DNAJC5: variants seen among roughly 807,000 people sequenced by gnomAD.
DNAJC5 encodes the protein DnaJ heat shock protein family (Hsp40) member C5, also known as dnaJ homolog subfamily C member 5.
A neutral mutation model predicts 23.2 loss-of-function variants in DNAJC5; 1 was observed. That is an observed-to-expected ratio of 0.04 (90% CI 0.02 to 0.20). DNAJC5 has a LOEUF of 0.20. Ranked by LOEUF, DNAJC5 falls within the 10% of genes least tolerant of loss-of-function variation. DNAJC5 has a pLI of 1.00. For missense variants in DNAJC5, 180 were observed against 267.0 expected (o/e 0.67, Z 2.27); for synonymous variants, 136 against 120.0 (o/e 1.13, Z -0.87).
chr20:63,922,498 G>T (rs1282808281), intron 1 of DNAJC5, among the ~76,000 whole-genome samples: 1 of 151,850 alleles, frequency 6.6e-6, no homozygotes, highest in Admixed American at 6.6e-5. Context: ...ATCAGAAAGG[G>T]TTGGCTCCTG....
At chr20:63,906,661 A>G (rs75938531) in intron 1 of DNAJC5, among the ~76,000 whole-genome samples, 1,569 of 151,182 alleles carry the variant, frequency 0.01, 18 homozygotes, top group African/African-American at 0.037. Context: ...GGGCGCCTGT[A>G]TATAGTCCCA....
chr20:63,920,009 C>T lies in DNAJC5; in HGVS notation c.-11-8326C>T, dbSNP rs2053554114. ...GACATGTGCCCAGGGCCCGGGACAGCGCCACGGAAGAGGACGCACCCGGCT... is the reference window on the plus strand; with the variant it reads ...GACATGTGCCCAGGGCCCGGGACAGTGCCACGGAAGAGGACGCACCCGGCT... On this transcript the variant is annotated intron_variant, in intron 1 of 4. Transcript: ENST00000360864. The surrounding 1 kb of genome is among the most constrained non-coding windows in gnomAD (Gnocchi z 4.6). The T allele has an allele frequency of 1.0e-5, 4 of 384,952 alleles. No homozygotes were observed. The highest frequency in any genetic ancestry group is 3.6e-5 in the Admixed American group (1 of 27,704). 23.8% of individuals were successfully genotyped at this position (384,952 alleles called of 1,614,324 possible).
At chr20:63,908,329 G>A (rs897579979) in intron 1 of DNAJC5, among the ~76,000 whole-genome samples, 24 of 152,178 alleles carry the variant, frequency 1.6e-4, no homozygotes, top group African/African-American at 5.1e-4. Context: ...ATCAGTTAAC[G>A]TTTCAGAGCG....
chr20:63,908,012 C>A (rs539250363), intron 1 of DNAJC5, among the ~76,000 whole-genome samples: 177 of 152,330 alleles, frequency 1.2e-3, no homozygotes, highest in African/African-American at 4.1e-3. Context: ...GTGATCCCCC[C>A]ACCTTGGCCT....
At chr20:63,926,808 C>T (rs143121351) in intron 1 of DNAJC5, among the ~76,000 whole-genome samples, 109 of 152,354 alleles carry the variant, frequency 7.2e-4, no homozygotes, top group African/African-American at 1.9e-3. Context: ...AGCTCAGGTG[C>T]TGCTCTTACC....
In DNAJC5 at chr20:63,934,312, C is replaced by T. The variant is rs2053699311; in HGVS notation, c.*2744C>T. The T allele has an allele frequency of 6.6e-6, 1 of 151,874 alleles. No homozygotes were observed. The highest frequency in any genetic ancestry group is 2.1e-4 in the South Asian group (1 of 4,830). 9.4% of individuals were successfully genotyped at this position (151,874 alleles called of 1,614,324 possible). On this transcript the variant is annotated 3_prime_UTR_variant, in exon 5 of 5. Transcript: ENST00000360864. ...GTCCACGTGCTAACAGATCAGGACGCCCCCAGCACCCCTGCCTGCTTTTGC... is the reference window on the plus strand; with the variant it reads ...GTCCACGTGCTAACAGATCAGGACGTCCCCAGCACCCCTGCCTGCTTTTGC...
chr20:63,901,114 G>GCA, intron 1 of DNAJC5, among the ~76,000 whole-genome samples: 1 of 152,206 alleles, frequency 6.6e-6, no homozygotes, highest in Non-Finnish European at 1.5e-5. Flanking sequence ...ACAGGCGTGT[G>GCA]CCACCACGCC....
At position 63,929,766 on chromosome 20, in the gene DNAJC5, G is replaced by A. The variant is rs563480286; in HGVS notation, c.321+241G>A. On this transcript the variant is annotated intron_variant, in intron 3 of 4. Transcript: ENST00000360864. This position sits in a 1 kb window ranked among gnomAD's most constrained non-coding sequence, Gnocchi z 8.6. ...AGTCTCTCCTGCCATGTGGGCACCC[G>A]GGTCACTCCACGCCTGCAGGGTTCC... 5.9e-5 allele frequency among the ~76,000 whole-genome samples: 9 copies of A among 152,250 alleles called. 1 individual carries two copies. The South Asian group carries it at 1.9e-3, about 32-fold the overall frequency.
intron 1 of DNAJC5, among the ~76,000 whole-genome samples, chr20:63,924,090 G>A (rs1203435899): frequency 1.3e-5 from 2 of 152,132 alleles, no homozygotes; most frequent in Non-Finnish European, 2.9e-5. Flanking sequence ...TAGATATATA[G>A]TATATGTCTT....
chr20:63,917,479 C>G (rs991037857), intron 1 of DNAJC5, among the ~76,000 whole-genome samples: 1 of 152,184 alleles, frequency 6.6e-6, no homozygotes, highest in Non-Finnish European at 1.5e-5. Flanking sequence ...TCTCAAACTC[C>G]TGAGCTCAAG....
chr20:63,913,398 CTTT>C (rs1156495840), intron 1 of DNAJC5, among the ~76,000 whole-genome samples: 1 of 142,938 alleles, frequency 7.0e-6, no homozygotes, highest in African/African-American at 2.6e-5. Flanking sequence ...TTTTTTCTTT[CTTT>C]TTTTTTTTTT....
chr20:63,901,632 T>G (rs2053413605), intron 1 of DNAJC5, among the ~76,000 whole-genome samples: 1 of 152,252 alleles, frequency 6.6e-6, no homozygotes, highest in Non-Finnish European at 1.5e-5. Flanking sequence ...GAGGAGTGAC[T>G]GCAGCTCAGC....
chr20:63,934,459 C>T lies in DNAJC5; in HGVS notation c.*2891C>T, dbSNP rs1233497794. On this transcript the variant is annotated 3_prime_UTR_variant, in exon 5 of 5. Transcript: ENST00000360864. ...GCTGCTGGGGGCTGCCAGGGGCCCT[C>T]TGGGGTCGTGCTTTGAGGCCCGTCC... 1 of 152,314 alleles carries T rather than the reference C, an allele frequency of 6.6e-6. No individual in the cohort carries two copies. The highest frequency in any genetic ancestry group is 6.5e-5 in the Admixed American group (1 of 15,286). 9.4% of individuals were successfully genotyped at this position (152,314 alleles called of 1,614,324 possible).
intron 1 of DNAJC5, among the ~76,000 whole-genome samples, chr20:63,902,502 G>A (rs180755141): frequency 1.3e-5 from 2 of 151,346 alleles, no homozygotes; most frequent in East Asian, 1.9e-4. Context: ...CTGAGTAGCT[G>A]GGATTACAGG....
chr20:63,914,258 C>T (rs934939301), intron 1 of DNAJC5, among the ~76,000 whole-genome samples: 3 of 152,184 alleles, frequency 2.0e-5, no homozygotes, highest in African/African-American at 7.2e-5. Context: ...TAATGGAATG[C>T]TTATGTTGAA....
chr20:63,928,219 C>A lies in DNAJC5; in HGVS notation c.-11-116C>A, dbSNP rs1600884218. ...CTGTCTGTGCACGTGGCAAACTCCA[C>A]AAGGCAGTGTTGGATTCTTTTGCTT... is the stretch of plus-strand genomic sequence containing the variant. On this transcript the variant is annotated intron_variant, in intron 1 of 4. Coordinates refer to ENST00000360864, the MANE Select transcript of DNAJC5 (RefSeq NM_025219.3). This position sits in a 1 kb window ranked among gnomAD's most constrained non-coding sequence, Gnocchi z 4.6. 3.3e-5 allele frequency: 28 copies of A among 850,890 alleles called. No homozygotes were observed. In the South Asian group the frequency reaches 3.7e-4, roughly 11 times the overall value. The allele number at this position is 850,890 out of a possible 1,614,324, so 52.7% of individuals were successfully genotyped here.
intron 1 of DNAJC5, among the ~76,000 whole-genome samples, chr20:63,898,441 G>A (rs914799182): frequency 3.3e-5 from 5 of 152,146 alleles, no homozygotes; most frequent in Non-Finnish European, 7.3e-5. Flanking sequence ...TCCTCGGGCT[G>A]GGTTGGAAAA....
rs373789837 is a variant in DNAJC5, at chr20:63,932,113, C to G, written c.*545C>G. On this transcript the variant is annotated 3_prime_UTR_variant, in exon 5 of 5. Coordinates refer to ENST00000360864, the MANE Select transcript of DNAJC5 (RefSeq NM_025219.3). This position sits in a 1 kb window ranked among gnomAD's most constrained non-coding sequence, Gnocchi z 4.4. ...GCCAGAAGAGAGGCGGGGCCGCGTC[C>G]TCCTGGCGTCACCGGCGTCACTGTC... 12 of 187,744 alleles carry G rather than the reference C, an allele frequency of 6.4e-5. No homozygotes were observed. Among genetic ancestry groups the G allele is most frequent in the Admixed American group, 2.1e-4 (4 of 18,738 alleles). The allele number at this position is 187,744 out of a possible 1,614,324, so 11.6% of individuals were successfully genotyped here.
intron 1 of DNAJC5, among the ~76,000 whole-genome samples, chr20:63,923,859 G>A (rs1320425410): frequency 6.6e-6 from 1 of 152,162 alleles, no homozygotes; most frequent in Non-Finnish European, 1.5e-5. Flanking sequence ...GTCATTCTGC[G>A]CTCTTGAGCC....
Sources: allele counts gnomAD v4.1 joint callset (sites outside exome capture counted in the v4.1 genomes callset), GRCh38; gene constraint gnomAD v4.1.1; non-coding constraint Gnocchi (gnomAD v3.1); transcripts MANE v1.5; gene names NCBI Gene and HGNC (gene_info 2026-07-23, HGNC 2026-07-21).